Variants in DUS2 observed in about 807,000 individuals in gnomAD.
DUS2 encodes dihydrouridine synthase 2.
In DUS2, 52 loss-of-function variants were observed where a neutral mutation model predicts 71.3. That is an observed-to-expected ratio of 0.73 (90% confidence interval 0.58 to 0.92). The LOEUF is 0.92. Ranked by LOEUF, DUS2 falls within the 40% of genes least tolerant of loss-of-function variation. The probability of loss-of-function intolerance (pLI) is 0.00; values close to 1 mark genes in which losing one functional copy is unlikely to be tolerated. For synonymous variants in DUS2, 204 were observed against 227.8 expected (o/e 0.90, Z 0.94); for missense variants, 558 against 622.6 (o/e 0.90, Z 1.10).
At chr16:68,075,297 G>T in intron 13 of DUS2, 58 bp from the exon 14 acceptor site, 1 of 1,480,314 alleles carries the variant, frequency 6.8e-7, no homozygotes. Context: ...GGGTCCTGCA[G>T]TACCCTGGAT....
At chr16:68,054,888 C>T (rs2033829922) in intron 6 of DUS2, among the ~76,000 whole-genome samples, 1 of 151,990 alleles carries the variant, frequency 6.6e-6, no homozygotes, top group African/African-American at 2.4e-5. Flanking sequence ...ACTAAAAATA[C>T]AAAAATTAGC....
chr16:68,032,470 G>T (rs1272373915), intron 2 of DUS2, among the ~76,000 whole-genome samples: 2 of 152,194 alleles, frequency 1.3e-5, no homozygotes, highest in Non-Finnish European at 2.9e-5. Flanking sequence ...TAACTGAGCT[G>T]CAGAGAAATG....
intron 14 of DUS2, among the ~76,000 whole-genome samples, 158 bp from the exon 15 acceptor site, chr16:68,076,474 G>C (rs982054717): frequency 6.6e-6 from 1 of 152,210 alleles, no homozygotes; most frequent in Admixed American, 6.5e-5. Context: ...GGACAAGAAT[G>C]GGAGCCTAGG....
chr16:68,038,805 T>C (rs1018161436), intron 3 of DUS2, among the ~76,000 whole-genome samples: 1 of 151,360 alleles, frequency 6.6e-6, no homozygotes, highest in African/African-American at 2.4e-5. Context: ...TACTAGTACT[T>C]TGGGAGGCCA....
intron 15 of DUS2, chr16:68,078,070 A>G (rs2151427893): frequency 3.5e-6 from 1 of 284,570 alleles, no homozygotes; most frequent in South Asian, 4.2e-5. Flanking sequence ...GCTCCAGCCA[A>G]GTCACCTGGT....
intron 15 of DUS2, chr16:68,078,235 G>A: frequency 3.3e-6 from 2 of 597,630 alleles, no homozygotes; most frequent in South Asian, 3.9e-5. Context: ...CTTTGCTTAG[G>A]TCTGTGACAG....
chr16:68,078,849 C>T lies in DUS2; in HGVS notation c.1345C>T (p.His449Tyr). 1 of 1,613,840 alleles carries T rather than the reference C, an allele frequency of 6.2e-7. No homozygotes were observed. Among genetic ancestry groups the T allele is most frequent in the Non-Finnish European group, 8.5e-7 (1 of 1,179,870 alleles). The change falls in exon 17 of 17, where the codon CAC (histidine) becomes TAC (tyrosine). Residue 449 changes from histidine to tyrosine, a missense_variant. By Grantham distance (83) the His-to-Tyr change is moderately conservative. Coordinates refer to ENST00000565263, the MANE Select transcript of DUS2 (RefSeq NM_017803.5). ...GRLGEESPSL[H>Y]KRKREAPDQD... ...GCTGGGTGAGGAGAGCCCTTCCTTG[C>T]ACAAGCGAAAGAGGGAGGCTCCTGA... is the stretch of plus-strand genomic sequence containing the variant.
At chr16:68,041,766 C>T (rs1338271867) in intron 3 of DUS2, among the ~76,000 whole-genome samples, 3 of 147,454 alleles carry the variant, frequency 2.0e-5, no homozygotes, top group African/African-American at 5.1e-5. Context: ...GTGCCCAGTG[C>T]GCCATTGCAC....
At chr16:68,027,090 A>T (rs1162993302) in intron 2 of DUS2, 1 of 152,196 alleles carries the variant, frequency 6.6e-6, no homozygotes, top group Non-Finnish European at 1.5e-5. Context: ...TGGGTAAGCC[A>T]GAGATTGGAG....
chr16:68,049,513 C>T lies in DUS2; in HGVS notation c.135C>T (p.Ile45=), dbSNP rs372196314. 4.8e-5 allele frequency: 77 copies of T among 1,614,036 alleles called. No individual in the cohort carries two copies. In the Middle Eastern group the frequency reaches 6.6e-4, roughly 14 times the overall value. Residue 45 remains isoleucine, a synonymous_variant, in exon 4 of 17, where the codon ATC becomes ATT. Transcript: ENST00000565263. ...CTCTGATTCCTCTGCAGGAGCTGATCGACCTCAAGATGATTCAGTGCAAGA... is the reference window on the plus strand; with the variant it reads ...CTCTGATTCCTCTGCAGGAGCTGATTGACCTCAAGATGATTCAGTGCAAGA... ...GADIVYCEEL[I]DLKMIQCKRV... is the part of the protein sequence containing the mutation.
chr16:68,077,786 A>C (rs1598322106), intron 15 of DUS2, among the ~76,000 whole-genome samples: 1 of 152,136 alleles, frequency 6.6e-6, no homozygotes, highest in African/African-American at 2.4e-5. Context: ...GGCTTGCTTC[A>C]CTTCCTTTGG....
At chr16:68,066,729 A>G (rs1276783864) in intron 10 of DUS2, 93 bp downstream of exon 10, 4 of 1,292,038 alleles carry the variant, frequency 3.1e-6, no homozygotes, top group Non-Finnish European at 3.4e-6. Context: ...GTGACAGCCA[A>G]TTTCTCTTCT....
At position 68,049,407 on chromosome 16, in the gene DUS2, G is replaced by T; in HGVS notation, c.127-98G>T. On this transcript the variant is annotated intron_variant, in intron 3 of 16. Coordinates refer to ENST00000565263, the MANE Select transcript of DUS2 (RefSeq NM_017803.5). ...CGTGGTTTGTTCTTGGTAGTAGGGC[G>T]ACTGGCCAAGCGATCCTCATTAGGT... The T allele has an allele frequency of 3.1e-6, 4 of 1,292,976 alleles. No homozygotes were observed. In the South Asian group the frequency reaches 3.6e-5, roughly 12 times the overall value. 80.1% of individuals were successfully genotyped at this position (1,292,976 alleles called of 1,614,324 possible).
At chr16:68,060,376 C>T (rs927153380) in intron 7 of DUS2, among the ~76,000 whole-genome samples, 1 of 151,590 alleles carries the variant, frequency 6.6e-6, no homozygotes, top group African/African-American at 2.4e-5. Context: ...TACAGTGGTG[C>T]AATCTCGGCT....
chr16:68,040,232 C>T (rs1361394500), intron 3 of DUS2, among the ~76,000 whole-genome samples: 1 of 151,942 alleles, frequency 6.6e-6, no homozygotes, highest in Admixed American at 6.6e-5. Context: ...TCACAGGTGC[C>T]CGCCTCCATG....
intron 7 of DUS2, among the ~76,000 whole-genome samples, chr16:68,059,822 A>G (rs2033915129): frequency 6.6e-6 from 1 of 152,176 alleles, no homozygotes; most frequent in Admixed American, 6.5e-5. Flanking sequence ...CTCCATTATT[A>G]AAGTAATTAA....
chr16:68,034,569 T>C (rs751333995), intron 2 of DUS2, among the ~76,000 whole-genome samples: 106 of 152,282 alleles, frequency 7.0e-4, no homozygotes, highest in Middle Eastern at 3.4e-3. Flanking sequence ...TTTTGCCATG[T>C]TGTCCAGGCT....
intron 14 of DUS2, among the ~76,000 whole-genome samples, chr16:68,075,791 C>T (rs1177603021): frequency 1.3e-5 from 2 of 152,180 alleles, no homozygotes; most frequent in East Asian, 3.8e-4. Flanking sequence ...AAAGTCTGTG[C>T]TTTTCCAAGG....
In DUS2 at chr16:68,075,507, A is replaced by G. The variant is rs768663565; in HGVS notation, c.1082+3A>G. 1 of 1,610,294 alleles carries G rather than the reference A, an allele frequency of 6.2e-7. No individual in the cohort carries two copies. The highest frequency in any genetic ancestry group is 1.1e-5 in the South Asian group (1 of 90,166). On this transcript the variant is annotated splice_donor_region_variant and intron_variant, in intron 14 of 16. Coordinates refer to ENST00000565263, the MANE Select transcript of DUS2 (RefSeq NM_017803.5). ...AAGATGGCTGTCAAGTTTGACCGGT[A>G]GGTCTCCAGCTTGGCCTCAGCTTGG...
Sources: allele counts gnomAD v4.1 joint callset (sites outside exome capture counted in the v4.1 genomes callset), GRCh38; gene constraint gnomAD v4.1.1; transcripts MANE v1.5; gene names NCBI Gene and HGNC (gene_info 2026-07-23, HGNC 2026-07-21).